Variants in SNX13 observed in about 807,000 individuals in gnomAD.
SNX13 encodes sorting nexin-13.
SNX13 carries 45 observed loss-of-function variants against 133.6 expected under a neutral mutation model. That is an observed-to-expected ratio of 0.34 (90% CI 0.27 to 0.43). SNX13 has a LOEUF of 0.43. Among genes scored for constraint, SNX13 ranks in the 20% least tolerant of loss-of-function variants. The pLI is 1.00. For missense variants in SNX13, 1,032 were observed against 1,145.1 expected (o/e 0.90, Z 1.43); for synonymous variants, 414 against 373.9 (o/e 1.11, Z -1.24).
At chr7:17,933,902 G>A (rs868790460) in intron 1 of SNX13, among the ~76,000 whole-genome samples, 1 of 151,604 alleles carries the variant, frequency 6.6e-6, no homozygotes, top group Non-Finnish European at 1.5e-5. Context: ...AACAATGTAA[G>A]AACAGCAAGA....
intron 9 of SNX13, among the ~76,000 whole-genome samples, chr7:17,865,478 A>G (rs970253555): frequency 1.8e-4 from 27 of 152,200 alleles, no homozygotes; most frequent in African/African-American, 6.3e-4. Flanking sequence ...AAGAAATTGA[A>G]TAAGACACAA....
intron 8 of SNX13, among the ~76,000 whole-genome samples, chr7:17,869,735 G>C (rs984188375): frequency 4.6e-5 from 7 of 152,048 alleles, no homozygotes; most frequent in Non-Finnish European, 8.8e-5. Flanking sequence ...ACAAAAAATT[G>C]CTTCTTTCAA....
chr7:17,919,342 A>G (rs1799885417), intron 1 of SNX13, among the ~76,000 whole-genome samples: 1 of 152,230 alleles, frequency 6.6e-6, no homozygotes, highest in South Asian at 2.1e-4. Context: ...CCCTATTATA[A>G]GGTGACATAC....
chr7:17,856,785 TAAAA>T (rs200753998), intron 9 of SNX13, among the ~76,000 whole-genome samples: 2 of 97,584 alleles, frequency 2.0e-5, no homozygotes, highest in East Asian at 2.6e-4. Flanking sequence ...GAGACTCTCT[TAAAA>T]AAAAAAAAAA....
Position 17,874,950 on chromosome 7 carries a change from T to TA in SNX13, c.664+529dup, listed in dbSNP as rs1294670059. On this transcript the variant is annotated intron_variant, in intron 7 of 25. Transcript: ENST00000428135. ...CAAGAGGAAGAGAAATTACTACAGA[T>TA]AAAAAAATTCAGTCATAAAATGTTT... Among the ~76,000 whole-genome samples, 4 of 152,218 alleles carry TA rather than the reference T, an allele frequency of 2.6e-5. No individual in the cohort carries two copies. In the South Asian group the frequency reaches 6.2e-4, roughly 24 times the overall value.
intron 15 of SNX13, chr7:17,831,679 A>C (rs1562720756): frequency 1.0e-6 from 1 of 984,212 alleles, no homozygotes; most frequent in Non-Finnish European, 1.2e-6. Context: ...CCTAGGTTAG[A>C]TAATTATTTC....
chr7:17,857,224 T>G (rs1054236124), intron 9 of SNX13, among the ~76,000 whole-genome samples: 2 of 152,112 alleles, frequency 1.3e-5, no homozygotes, highest in Non-Finnish European at 2.9e-5. Flanking sequence ...TAACGAGTAA[T>G]AAGACTGAGG....
At chr7:17,911,085 C>G (rs1239305420) in intron 1 of SNX13, among the ~76,000 whole-genome samples, 2 of 152,072 alleles carry the variant, frequency 1.3e-5, no homozygotes, top group Non-Finnish European at 2.9e-5. Flanking sequence ...CAAAACAAAA[C>G]AAAACTGGGC....
At chr7:17,928,071 C>A (rs1224235723) in intron 1 of SNX13, among the ~76,000 whole-genome samples, 3 of 152,108 alleles carry the variant, frequency 2.0e-5, no homozygotes, top group Non-Finnish European at 4.4e-5. Flanking sequence ...ATACAGACTC[C>A]AAGGGGAAAT....
At chr7:17,915,838 G>A (rs1442459265) in intron 1 of SNX13, among the ~76,000 whole-genome samples, 3 of 152,158 alleles carry the variant, frequency 2.0e-5, no homozygotes, top group African/African-American at 7.2e-5. Context: ...TTAACCCAAT[G>A]ACTGCAGAGT....
At chr7:17,824,950 A>G (rs1019773568) in intron 17 of SNX13, among the ~76,000 whole-genome samples, 10 of 151,894 alleles carry the variant, frequency 6.6e-5, no homozygotes, top group African/African-American at 2.2e-4. Flanking sequence ...TTGTATTTTT[A>G]GTAGAGATGG....
chr7:17,911,884 T>C (rs947273109), intron 1 of SNX13, among the ~76,000 whole-genome samples: 1 of 152,160 alleles, frequency 6.6e-6, no homozygotes, highest in Non-Finnish European at 1.5e-5. Context: ...TAAATAAGTC[T>C]TGGGCATCTT....
chr7:17,814,787 GA>G (rs1786461141), intron 20 of SNX13, 46 bp downstream of exon 20: 2 of 1,381,162 alleles, frequency 1.4e-6, no homozygotes, highest in Non-Finnish European at 1.9e-6. Flanking sequence ...AACAAAGTAA[GA>G]AAACAGACCT....
chr7:17,798,638 C>T (rs1784311828), intron 24 of SNX13, 52 bp downstream of exon 24: 7 of 1,330,500 alleles, frequency 5.3e-6, no homozygotes, highest in African/African-American at 1.5e-5. Context: ...TTAGTGATAA[C>T]AATGCTAAAC....
intron 9 of SNX13, among the ~76,000 whole-genome samples, chr7:17,863,374 C>A (rs527581537): frequency 8.1e-4 from 124 of 152,186 alleles, no homozygotes; most frequent in Non-Finnish European, 1.4e-3. Flanking sequence ...TCTGTGTCAT[C>A]CCTCCACCAC....
At chr7:17,813,882 G>A (rs1786345583) in intron 20 of SNX13, among the ~76,000 whole-genome samples, 1 of 151,984 alleles carries the variant, frequency 6.6e-6, no homozygotes, top group Non-Finnish European at 1.5e-5. Context: ...CACTGTGCTT[G>A]GCCCAAACTT....
chr7:17,932,648 A>C lies in SNX13; in HGVS notation c.12+7636T>G, dbSNP rs145208617. 8.7e-3 allele frequency among the ~76,000 whole-genome samples: 1,326 copies of C among 152,344 alleles called. 24 individuals are homozygous for C. Among genetic ancestry groups the C allele is most frequent in the African/African-American group, 0.031 (1,271 of 41,562 alleles). On this transcript the variant is annotated intron_variant, in intron 1 of 25. Coordinates refer to ENST00000428135, the MANE Select transcript of SNX13 (RefSeq NM_015132.5). The stretch of plus-strand genomic sequence containing the variant: ...CTCTATTAGGGAAAAACATGTAACA[A>C]GCAAATAAATATATACATAACACAT...
intron 1 of SNX13, among the ~76,000 whole-genome samples, chr7:17,908,249 C>T (rs556178069): frequency 6.6e-6 from 1 of 152,114 alleles, no homozygotes; most frequent in Non-Finnish European, 1.5e-5. Flanking sequence ...CTTTTGAAAC[C>T]TTCCCTTCCT....
chr7:17,804,748 A>T (rs1218962206), intron 20 of SNX13, among the ~76,000 whole-genome samples: 1 of 152,100 alleles, frequency 6.6e-6, no homozygotes, highest in Non-Finnish European at 1.5e-5. Context: ...AAAAAAAAAA[A>T]TTGTTAAGTA....
Sources: gnomAD v4.1 joint callset for allele counts (sites outside exome capture counted in the v4.1 genomes callset) on GRCh38, gnomAD v4.1.1 for gene constraint, MANE v1.5 for transcripts, NCBI Gene and HGNC (gene_info 2026-07-23, HGNC 2026-07-21) for gene names.